NOL4: variants seen among roughly 807,000 people sequenced by gnomAD.
NOL4 encodes nucleolar protein 4, also known as cancer/testis antigen 125.
NOL4 carries 17 observed loss-of-function variants against 75.9 expected under a neutral mutation model. The observed-to-expected ratio is 0.22, with a 90% confidence interval of 0.15 to 0.34. The LOEUF (loss-of-function observed/expected upper bound fraction) is 0.34, where lower values mean the gene tolerates loss of function less well. Among genes scored for constraint, NOL4 ranks in the 10% least tolerant of loss-of-function variants. The pLI, the probability that NOL4 is intolerant of heterozygous loss-of-function variation, is 1.00. For synonymous variants in NOL4, 292 were observed against 289.9 expected (o/e 1.01, Z -0.07); for missense variants, 614 against 793.5 (o/e 0.77, Z 2.72).
At chr18:34,163,783 G>C (rs370647230) in intron 1 of NOL4, among the ~76,000 whole-genome samples, 15 of 152,076 alleles carry the variant, frequency 9.9e-5, no homozygotes, top group East Asian at 7.8e-4. Context: ...GCATCGCCAA[G>C]TCAATCCTAA....
At chr18:34,178,564 A>G (rs2033757985) in intron 1 of NOL4, among the ~76,000 whole-genome samples, 1 of 151,738 alleles carries the variant, frequency 6.6e-6, no homozygotes, top group Non-Finnish European at 1.5e-5. Flanking sequence ...TTATAAAAAT[A>G]TCAGATCAAA....
chr18:33,894,101 A>G (rs373344489), intron 9 of NOL4, among the ~76,000 whole-genome samples: 2 of 152,118 alleles, frequency 1.3e-5, no homozygotes, highest in East Asian at 1.9e-4. Flanking sequence ...TATATAAACT[A>G]CTGGAAAACA....
At chr18:34,131,354 G>A (rs1243604463) in intron 1 of NOL4, among the ~76,000 whole-genome samples, 1 of 151,964 alleles carries the variant, frequency 6.6e-6, no homozygotes, top group Non-Finnish European at 1.5e-5. Context: ...AGTAGTGGTG[G>A]CTGAAGCAAC....
chr18:34,104,023 C>T (rs1568345303), intron 4 of NOL4, 24 bp downstream of exon 4: 2 of 1,492,296 alleles, frequency 1.3e-6, no homozygotes, highest in African/African-American at 1.4e-5. Flanking sequence ...GTAAGTAATA[C>T]AAATGTAGAT....
At chr18:33,910,117 G>T (rs2066305634) in intron 9 of NOL4, among the ~76,000 whole-genome samples, 2 of 152,200 alleles carry the variant, frequency 1.3e-5, no homozygotes, top group Non-Finnish European at 1.5e-5. Context: ...CTATGCTCTT[G>T]AGGATTTTGT....
intron 1 of NOL4, among the ~76,000 whole-genome samples, chr18:34,201,237 C>T (rs1444119093): frequency 6.6e-6 from 1 of 151,744 alleles, no homozygotes; most frequent in Non-Finnish European, 1.5e-5. Flanking sequence ...ATATACTGGG[C>T]ATTTTCTAAG....
intron 1 of NOL4, among the ~76,000 whole-genome samples, chr18:34,148,956 A>AT (rs1178987156): frequency 6.6e-6 from 1 of 151,518 alleles, no homozygotes; most frequent in South Asian, 2.1e-4. Context: ...TATACAAACT[A>AT]TTTTTTCCTT....
At chr18:34,105,251 G>A (rs529963386) in intron 2 of NOL4, 91 bp from the exon 3 acceptor site, 11 of 826,056 alleles carry the variant, frequency 1.3e-5, no homozygotes, top group East Asian at 5.1e-5. Context: ...AATAAGACAC[G>A]TTATTCCATA....
At chr18:33,873,204 T>C (rs993102708) in intron 10 of NOL4, among the ~76,000 whole-genome samples, 5 of 151,890 alleles carry the variant, frequency 3.3e-5, no homozygotes, top group Non-Finnish European at 7.4e-5. Context: ...TTTTAGGCTA[T>C]ACTCTATAAA....
At chr18:33,999,143 GTTT>G (rs543045505) in intron 6 of NOL4, among the ~76,000 whole-genome samples, 4 of 133,592 alleles carry the variant, frequency 3.0e-5, no homozygotes, top group African/African-American at 1.1e-4. Flanking sequence ...ATAATGCTGA[GTTT>G]TTTTTTTTTT....
At chr18:34,141,158 A>T (rs528519230) in intron 1 of NOL4, among the ~76,000 whole-genome samples, 1 of 152,318 alleles carries the variant, frequency 6.6e-6, no homozygotes, top group East Asian at 1.9e-4. Flanking sequence ...GGAGAACTAC[A>T]AACCACTGCT....
At chr18:34,005,959 C>T (rs1295180873) in intron 6 of NOL4, among the ~76,000 whole-genome samples, 9 of 152,102 alleles carry the variant, frequency 5.9e-5, no homozygotes, top group Admixed American at 5.9e-4. Flanking sequence ...AATTTGGGCT[C>T]ATACAACATG....
intron 8 of NOL4, among the ~76,000 whole-genome samples, chr18:33,952,447 A>T (rs377038663): frequency 1.1e-4 from 17 of 152,328 alleles, no homozygotes; most frequent in African/African-American, 3.6e-4. Context: ...AAGAAGGGAT[A>T]GAAAGGTACC....
At chr18:33,915,925 C>T (rs1012975200) in intron 9 of NOL4, among the ~76,000 whole-genome samples, 10 of 152,196 alleles carry the variant, frequency 6.6e-5, no homozygotes, top group African/African-American at 2.4e-4. Flanking sequence ...TTTCACACTT[C>T]TACAAGATAA....
rs184377259 is a variant in NOL4, at chr18:34,172,772, C to T, written c.265-42752G>A. ...AGCATTTCCCCAATGATTAGTGATG[C>T]TGATGAACTTTTCATATACCTGTTG... On this transcript the variant is annotated intron_variant, in intron 1 of 10. Transcript: ENST00000261592. 9.9e-5 allele frequency among the ~76,000 whole-genome samples: 15 copies of T among 152,132 alleles called. No individual in the cohort carries two copies. The East Asian group carries it at 2.9e-3, about 29-fold the overall frequency.
chr18:33,917,574 C>T (rs1166703636), intron 9 of NOL4, among the ~76,000 whole-genome samples: 3 of 152,184 alleles, frequency 2.0e-5, no homozygotes, highest in East Asian at 1.9e-4. Context: ...TAGCTCACTG[C>T]AAGCTCGAAT....
intron 5 of NOL4, among the ~76,000 whole-genome samples, chr18:34,041,594 G>A (rs565519531): frequency 6.6e-6 from 1 of 151,692 alleles, no homozygotes; most frequent in South Asian, 2.1e-4. Context: ...CACATTTGCT[G>A]CATTCTTTAA....
chr18:33,904,160 A>T (rs1315517919), intron 9 of NOL4, among the ~76,000 whole-genome samples: 1 of 152,130 alleles, frequency 6.6e-6, no homozygotes, highest in African/African-American at 2.4e-5. Flanking sequence ...GATGCCTAGA[A>T]TTATTAACTA....
chr18:34,038,837 GT>G (rs1323604515), intron 5 of NOL4, among the ~76,000 whole-genome samples: 1 of 151,952 alleles, frequency 6.6e-6, no homozygotes, highest in African/African-American at 2.4e-5. Context: ...ACAGCCTAAA[GT>G]GACTATGATC....
Sources: gnomAD v4.1 joint callset for allele counts (sites outside exome capture counted in the v4.1 genomes callset) on GRCh38, gnomAD v4.1.1 for gene constraint, MANE v1.5 for transcripts, NCBI Gene and HGNC (gene_info 2026-07-23, HGNC 2026-07-21) for gene names.